The following OXR1 variants were observed in gnomAD, a reference collection of about 807,000 sequenced individuals.
OXR1 encodes oxidation resistance 1, also known as oxidation resistance protein 1.
A neutral mutation model predicts 104.6 loss-of-function variants in OXR1; 41 were observed. That is an observed-to-expected ratio of 0.39 (90% CI 0.31 to 0.51). The LOEUF is 0.51. OXR1 is among the 20% of genes least tolerant of loss of function. OXR1 has a pLI of 0.77. For synonymous variants in OXR1, 348 were observed against 348.4 expected (o/e 1.00, Z 0.01); for missense variants, 955 against 1,031.9 (o/e 0.93, Z 1.02).
chr8:106,724,623 G>C (rs928041059), intron 11 of OXR1, among the ~76,000 whole-genome samples: 4 of 152,126 alleles, frequency 2.6e-5, no homozygotes, highest in African/African-American at 7.2e-5. Flanking sequence ...CATTTTTGGA[G>C]CCCAGCATTC....
At chr8:106,288,906 C>T (rs1055116039) in intron 1 of OXR1, among the ~76,000 whole-genome samples, 4 of 151,824 alleles carry the variant, frequency 2.6e-5, no homozygotes, top group South Asian at 2.1e-4. Context: ...GCAAGTATGT[C>T]GATTGTGCAC....
chr8:106,494,679 C>A (rs183323540), intron 2 of OXR1, among the ~76,000 whole-genome samples: 234 of 152,278 alleles, frequency 1.5e-3, no homozygotes, highest in African/African-American at 5.4e-3. Context: ...ATAAACAAAT[C>A]TTCTGGGAAG....
At chr8:106,709,722 T>C (rs1368190580) in intron 9 of OXR1, among the ~76,000 whole-genome samples, 1 of 152,008 alleles carries the variant, frequency 6.6e-6, no homozygotes, top group African/African-American at 2.4e-5. Flanking sequence ...TTGGAATAAT[T>C]AGTTTTAAGT....
chr8:106,549,365 T>C (rs1396252033), intron 3 of OXR1, among the ~76,000 whole-genome samples: 1 of 152,086 alleles, frequency 6.6e-6, no homozygotes, highest in African/African-American at 2.4e-5. Context: ...ACTAGACATA[T>C]AGGAAATAGT....
At position 106,713,969 on chromosome 8, in the gene OXR1, C is replaced by CA. The variant is rs1214289760; in HGVS notation, c.1941dup (p.Ala648SerfsTer11). 8 of 1,574,880 alleles carry CA rather than the reference C, an allele frequency of 5.1e-6. No individual in the cohort carries two copies. Among genetic ancestry groups the CA allele is most frequent in the Non-Finnish European group, 6.9e-6 (8 of 1,167,396 alleles). The stretch of plus-strand genomic sequence containing the variant: ...ATTGAGGATTCTAGTAATCAAGCAG[C>CA]AGCCAGAGAATGGGAGGTAAGGAGA... On this transcript the variant is annotated frameshift_variant, in exon 11 of 17. Transcript: ENST00000517566. LOFTEE classifies it high-confidence loss of function.
At chr8:106,372,921 C>T (rs894332947) in intron 2 of OXR1, among the ~76,000 whole-genome samples, 1 of 152,132 alleles carries the variant, frequency 6.6e-6, no homozygotes, top group Non-Finnish European at 1.5e-5. Flanking sequence ...TGTGGAAATT[C>T]AGAATATACA....
At chr8:106,470,090 G>A (rs957124869) in intron 2 of OXR1, among the ~76,000 whole-genome samples, 1 of 151,782 alleles carries the variant, frequency 6.6e-6, no homozygotes, top group African/African-American at 2.4e-5. Context: ...AGAATAGTAA[G>A]AAAGAAAGTC....
chr8:106,425,232 C>A (rs1442786693), intron 2 of OXR1, among the ~76,000 whole-genome samples: 1 of 150,790 alleles, frequency 6.6e-6, no homozygotes, highest in Admixed American at 6.6e-5. Flanking sequence ...TTTTTCTTTT[C>A]TTTTCTTTTT....
intron 2 of OXR1, among the ~76,000 whole-genome samples, chr8:106,475,857 A>G (rs143707363): frequency 6.6e-6 from 1 of 152,000 alleles, no homozygotes; most frequent in Non-Finnish European, 1.5e-5. Context: ...TTTCTTCAAG[A>G]TTCATCCCAT....
At chr8:106,426,224 G>C (rs765820134) in intron 2 of OXR1, among the ~76,000 whole-genome samples, 4 of 151,922 alleles carry the variant, frequency 2.6e-5, no homozygotes, top group Non-Finnish European at 4.4e-5. Context: ...CTTAGAACAG[G>C]ACCTGGCACC....
intron 3 of OXR1, among the ~76,000 whole-genome samples, chr8:106,629,819 A>G (rs77474181): frequency 0.029 from 4,386 of 152,140 alleles, 217 homozygotes; most frequent in African/African-American, 0.1. Context: ...CTTTAAAAAA[A>G]CTTGTGTGGT....
intron 3 of OXR1, among the ~76,000 whole-genome samples, chr8:106,673,020 A>G (rs546694255): frequency 5.3e-5 from 8 of 152,182 alleles, no homozygotes; most frequent in Non-Finnish European, 1.2e-4. Context: ...AATTGGAACT[A>G]CAAAGTGGGG....
At chr8:106,436,599 G>A (rs530190077) in intron 2 of OXR1, among the ~76,000 whole-genome samples, 32 of 152,210 alleles carry the variant, frequency 2.1e-4, no homozygotes, top group Middle Eastern at 6.8e-3. Flanking sequence ...AGTTTTAATG[G>A]TTTAATGGTT....
chr8:106,423,983 CTGGAATGCAGTGGCATGA>C (rs1819007923), intron 2 of OXR1, among the ~76,000 whole-genome samples: 1 of 152,124 alleles, frequency 6.6e-6, no homozygotes, highest in Non-Finnish European at 1.5e-5. Context: ...GTGGCCTAGG[CTGGAATGCAGTGGCATGA>C]TCTCAGCTGA....
chr8:106,489,038 G>T (rs1471990906), intron 2 of OXR1, among the ~76,000 whole-genome samples: 2 of 148,766 alleles, frequency 1.3e-5, no homozygotes, highest in Non-Finnish European at 1.5e-5. Context: ...TCACGATATT[G>T]ATTCTTCCTA....
rs182341847 is a variant in OXR1 at position 106,708,825 on chromosome 8, T to C, written c.1624+1680T>C. Among the ~76,000 whole-genome samples the C allele has an allele frequency of 4.2e-4, 64 of 152,272 alleles. No homozygotes were observed. In the East Asian group the frequency reaches 0.011, roughly 27 times the overall value. ...TCTGGATCATGTGGTAACTCTATGTTTAATTTCTTGAGGAACCTCCGTACT... is the reference window on the plus strand; with the variant it reads ...TCTGGATCATGTGGTAACTCTATGTCTAATTTCTTGAGGAACCTCCGTACT... On this transcript the variant is annotated intron_variant, in intron 9 of 16. Transcript: ENST00000517566.
At position 106,283,805 on chromosome 8, in the gene OXR1, A is replaced by G. The variant is rs142973787; in HGVS notation, c.-139+13438A>G. ...AATCTGCTTCAGTTTAACTTCTGTC[A>G]TTGACCTAACTCAGGTCAGTGAAAC... On this transcript the variant is annotated intron_variant, in intron 1 of 16. Coordinates refer to ENST00000517566, the MANE Select transcript of OXR1 (RefSeq NM_001198533.2). Among the ~76,000 whole-genome samples the G allele has an allele frequency of 3.8e-3, 580 of 152,260 alleles. 3 individuals carry two copies. The highest frequency in any genetic ancestry group is 0.013 in the African/African-American group (535 of 41,562).
intron 1 of OXR1, among the ~76,000 whole-genome samples, chr8:106,276,202 C>CTGTA (rs1486394086): frequency 6.6e-6 from 1 of 152,214 alleles, no homozygotes; most frequent in Non-Finnish European, 1.5e-5. Context: ...TAGGTGCAGG[C>CTGTA]TGTAGTCTGT....
At chr8:106,735,724 A>G (rs1474624909) in intron 11 of OXR1, among the ~76,000 whole-genome samples, 2 of 152,124 alleles carry the variant, frequency 1.3e-5, no homozygotes, top group African/African-American at 4.8e-5. Context: ...TGGGCATAGA[A>G]AAGCAAGCCC....
Sources: allele counts gnomAD v4.1 joint callset (sites outside exome capture counted in the v4.1 genomes callset), GRCh38; gene constraint gnomAD v4.1.1; transcripts MANE v1.5; gene names NCBI Gene and HGNC (gene_info 2026-07-23, HGNC 2026-07-21).